Variants in TMEM45A observed in about 807,000 individuals in gnomAD.
TMEM45A encodes the protein transmembrane protein 45A, also known as DNA polymerase-transactivated protein 4.
A neutral mutation model predicts 32.0 loss-of-function variants in TMEM45A; 25 were observed. The observed-to-expected ratio is 0.78, with a 90% confidence interval of 0.57 to 1.09. TMEM45A has a LOEUF of 1.09. Among genes scored for constraint, TMEM45A ranks in the 50% least tolerant of loss-of-function variants. TMEM45A has a pLI of 0.00. For missense variants in TMEM45A, 302 were observed against 325.0 expected (o/e 0.93, Z 0.54); for synonymous variants, 122 against 114.8 (o/e 1.06, Z -0.40).
At chr3:100,515,397 A>G (rs972206531) in intron 1 of TMEM45A, among the ~76,000 whole-genome samples, 2 of 149,402 alleles carry the variant, frequency 1.3e-5, no homozygotes, top group African/African-American at 2.5e-5. Context: ...CAAACACCGC[A>G]TATTCTCACT....
Position 100,562,116 on chromosome 3 carries a change from T to A in TMEM45A, c.588+3527T>A, listed in dbSNP as rs539683882. ...TTGCCTATTAGAGAAGATAATTATT[T>A]AAATTTGAAATGTGATACTAATGAA... is the stretch of plus-strand genomic sequence containing the variant. On this transcript the variant is annotated intron_variant, in intron 4 of 5. Transcript: ENST00000323523. 2.0e-5 allele frequency among the ~76,000 whole-genome samples: 3 copies of A among 152,288 alleles called. No individual in the cohort carries two copies. In the South Asian group the frequency reaches 6.2e-4, roughly 32 times the overall value.
At chr3:100,566,549 A>G (rs916554546) in intron 4 of TMEM45A, among the ~76,000 whole-genome samples, 1 of 152,118 alleles carries the variant, frequency 6.6e-6, no homozygotes, top group Admixed American at 6.5e-5. Context: ...ATATATTATT[A>G]TCCTCATTTT....
At chr3:100,558,706 C>T in intron 4 of TMEM45A, 117 bp downstream of exon 4, 2 of 1,029,170 alleles carry the variant, frequency 1.9e-6, no homozygotes, top group South Asian at 3.1e-5. Flanking sequence ...GTAGTAAGAT[C>T]ATGGGCCTCT....
chr3:100,554,428 A>G (rs1706172613), intron 1 of TMEM45A, among the ~76,000 whole-genome samples: 1 of 152,194 alleles, frequency 6.6e-6, no homozygotes, highest in East Asian at 1.9e-4. Context: ...ATGCCACACC[A>G]AGGTTGCCCA....
rs1382883742 is a variant in TMEM45A at position 100,496,391 on chromosome 3, CA to C, written c.-4+3466del. Among the ~76,000 whole-genome samples, 4 of 152,166 alleles carry C rather than the reference CA, an allele frequency of 2.6e-5. No individual in the cohort carries two copies. The East Asian group carries it at 7.7e-4, about 29-fold the overall frequency. On this transcript the variant is annotated intron_variant, in intron 1 of 5. Coordinates refer to ENST00000323523, the MANE Select transcript of TMEM45A (RefSeq NM_018004.3). ...GTTTTTCTAGTTGAGGAGACAAGGG[CA>C]AAGGCAGTTTAAGAAATTTGCCCAA...
intron 5 of TMEM45A, chr3:100,572,169 C>T (rs1454022237): frequency 2.0e-5 from 3 of 152,156 alleles, no homozygotes; most frequent in African/African-American, 4.8e-5. Flanking sequence ...CCTGAGGAAT[C>T]GCCACACTGA....
intron 1 of TMEM45A, among the ~76,000 whole-genome samples, chr3:100,512,271 T>C (rs1708178696): frequency 1.3e-5 from 2 of 152,194 alleles, no homozygotes; most frequent in South Asian, 4.1e-4. Flanking sequence ...TATAACAAAC[T>C]ATCTCTCAGA....
chr3:100,502,947 T>G (rs185937967), intron 1 of TMEM45A, among the ~76,000 whole-genome samples: 27 of 150,566 alleles, frequency 1.8e-4, no homozygotes, highest in Admixed American at 2.0e-4. Context: ...AATGGGGAGT[T>G]CTCCTTCTCC....
intron 1 of TMEM45A, among the ~76,000 whole-genome samples, chr3:100,547,324 G>A (rs1705997396): frequency 6.6e-6 from 1 of 152,042 alleles, no homozygotes; most frequent in Admixed American, 6.5e-5. Context: ...GTTTCAACAT[G>A]TTGGTCAGGC....
chr3:100,510,636 G>A (rs200580232), intron 1 of TMEM45A, among the ~76,000 whole-genome samples: 15 of 152,158 alleles, frequency 9.9e-5, no homozygotes, highest in African/African-American at 1.4e-4. Flanking sequence ...TGACTTTGAC[G>A]AGCTGAGAGA....
intron 1 of TMEM45A, among the ~76,000 whole-genome samples, chr3:100,521,755 G>T (rs1576268030): frequency 6.6e-6 from 1 of 152,180 alleles, no homozygotes; most frequent in Non-Finnish European, 1.5e-5. Flanking sequence ...GGCAGGTGGG[G>T]CTGTTCTGAT....
At chr3:100,497,135 C>G (rs1342085565) in intron 1 of TMEM45A, among the ~76,000 whole-genome samples, 2 of 152,162 alleles carry the variant, frequency 1.3e-5, no homozygotes, top group African/African-American at 2.4e-5. Context: ...TTAGGTTGCT[C>G]TTTATCTAAT....
At chr3:100,512,572 A>G (rs1282850366) in intron 1 of TMEM45A, among the ~76,000 whole-genome samples, 1 of 152,136 alleles carries the variant, frequency 6.6e-6, no homozygotes, top group Non-Finnish European at 1.5e-5. Flanking sequence ...GAACTAGAAA[A>G]GCAAGAGCAA....
At chr3:100,563,970 T>A (rs992897885) in intron 4 of TMEM45A, among the ~76,000 whole-genome samples, 2 of 152,224 alleles carry the variant, frequency 1.3e-5, no homozygotes, top group Non-Finnish European at 2.9e-5. Flanking sequence ...GCCTTTAGAA[T>A]ATATCCATGT....
At chr3:100,507,052 G>A (rs1175468953) in intron 1 of TMEM45A, among the ~76,000 whole-genome samples, 4 of 152,194 alleles carry the variant, frequency 2.6e-5, no homozygotes, top group African/African-American at 9.7e-5. Flanking sequence ...GATCATGCAT[G>A]GACTTACTGC....
At chr3:100,501,218 T>G (rs2148926604) in intron 1 of TMEM45A, among the ~76,000 whole-genome samples, 1 of 152,366 alleles carries the variant, frequency 6.6e-6, no homozygotes, top group South Asian at 2.1e-4. Context: ...AGATAGCACA[T>G]TGCCCTTGAG....
At chr3:100,574,393 A>G (rs1449601510) in intron 5 of TMEM45A, 1 of 152,250 alleles carries the variant, frequency 6.6e-6, no homozygotes, top group African/African-American at 2.4e-5. Flanking sequence ...TAAACTAGAA[A>G]ATCCTGAAGA....
At chr3:100,514,952 G>T (rs1218943369) in intron 1 of TMEM45A, among the ~76,000 whole-genome samples, 1 of 149,670 alleles carries the variant, frequency 6.7e-6, no homozygotes, top group East Asian at 1.9e-4. Flanking sequence ...AGTTAGAATG[G>T]CAATCATTAA....
In TMEM45A at chr3:100,561,658, GTC is replaced by G. The variant is rs559396917; in HGVS notation, c.588+3073_588+3074del. On this transcript the variant is annotated intron_variant, in intron 4 of 5. Transcript: ENST00000323523. ...ATACTATGAATCATGTTTTCCCTGT[GTC>G]TCTGTGTGGGAGAATATTTCAAAAG... Among the ~76,000 whole-genome samples the G allele has an allele frequency of 8.5e-5, 13 of 152,212 alleles. No homozygotes were observed. In the East Asian group the frequency reaches 2.3e-3, roughly 27 times the overall value.
Sources: gnomAD v4.1 joint callset for allele counts (sites outside exome capture counted in the v4.1 genomes callset) on GRCh38, gnomAD v4.1.1 for gene constraint, MANE v1.5 for transcripts, NCBI Gene and HGNC (gene_info 2026-07-23, HGNC 2026-07-21) for gene names.